APLF: variants seen among roughly 807,000 people sequenced by gnomAD.
APLF encodes aprataxin and PNK-like factor.
Under a neutral mutation model 55.6 loss-of-function variants are expected in APLF, and 61 were observed. The observed-to-expected ratio is 1.10, with a 90% CI of 0.89 to 1.36. APLF has a LOEUF of 1.36. APLF is among the 40% of genes most tolerant of loss of function. The probability of loss-of-function intolerance (pLI) is 0.00; values close to 1 mark genes in which losing one functional copy is unlikely to be tolerated. For synonymous variants in APLF, 207 were observed against 214.8 expected, an observed-to-expected ratio of 0.96 and a Z score of 0.32; for missense variants, 611 against 602.5, an observed-to-expected ratio of 1.01 and a Z score of -0.15.
chr2:68,487,028 T>G (rs1392193089), intron 1 of APLF, among the ~76,000 whole-genome samples: 7 of 152,150 alleles, frequency 4.6e-5, no homozygotes, highest in Non-Finnish European at 1.5e-5. Flanking sequence ...CAGACCAACA[T>G]CAGTCATTTT....
rs371913291 is a variant in APLF at position 68,567,193 on chromosome 2, T to C, written c.1287-148T>C. 4.4e-4 allele frequency: 280 copies of C among 633,094 alleles called. 2 individuals carry two copies. In the East Asian group the frequency reaches 6.9e-3, roughly 16 times the overall value. The allele number at this position is 633,094 out of a possible 1,614,324, so 39.2% of individuals were successfully genotyped here. A position where few individuals can be genotyped will look rare whatever the true frequency, so the allele number is the denominator to read the frequency against. On this transcript the variant is annotated intron_variant, in intron 8 of 9. Transcript: ENST00000303795. The stretch of plus-strand genomic sequence containing the variant: ...GCATGGAGTAGGCACACAGGAAATA[T>C]TGTAATTAAACAACAAATGCTTTTT...
chr2:68,499,521 A>G (rs1359477322), intron 2 of APLF, among the ~76,000 whole-genome samples: 1 of 152,176 alleles, frequency 6.6e-6, no homozygotes, highest in Non-Finnish European at 1.5e-5. Context: ...TACAGGTCCA[A>G]TTCAATCTCC....
At chr2:68,482,320 C>T (rs1256255371) in intron 1 of APLF, among the ~76,000 whole-genome samples, 9 of 151,992 alleles carry the variant, frequency 5.9e-5, no homozygotes, top group African/African-American at 2.2e-4. Context: ...TGAGTGAGCA[C>T]AGTTGTATGG....
chr2:68,550,834 GTTA>G (rs894215726), intron 8 of APLF, among the ~76,000 whole-genome samples: 1 of 151,752 alleles, frequency 6.6e-6, no homozygotes, highest in African/African-American at 2.4e-5. Flanking sequence ...TTAAACCATT[GTTA>G]TTATATAGTT....
Position 68,490,183 on chromosome 2 carries a change from TG to T in APLF, c.97-6del. 1 of 1,576,204 alleles carries T rather than the reference TG, an allele frequency of 6.3e-7. No individual in the cohort carries two copies. Among genetic ancestry groups the T allele is most frequent in the African/African-American group, 1.4e-5 (1 of 72,996 alleles). On this transcript the variant is annotated splice_region_variant and splice_polypyrimidine_tract_variant and intron_variant, in intron 1 of 9. Coordinates refer to ENST00000303795, the MANE Select transcript of APLF (RefSeq NM_173545.3). The stretch of plus-strand genomic sequence containing the variant: ...ATTCTTAATCTTTTAATTTTTTTAC[TG>T]TATAGATAACAGACAAGAGAGTATC...
In APLF at chr2:68,538,211, G is replaced by A. The variant is rs572217330; in HGVS notation, c.1144G>A (p.Gly382Arg). The change falls in exon 7 of 10, where the codon GGG becomes AGG. Residue 382 changes from glycine to arginine, a missense_variant. Physicochemically the swap from Gly to Arg is moderately radical, Grantham distance 125. Transcript: ENST00000303795. Reference protein sequence around the residue: ...NKVKRTSCMYGANCYRKNPVH... With the variant: ...NKVKRTSCMYRANCYRKNPVH... ...GGTCAAGAGGACATCCTGCATGTAT[G>A]GGGCAAACTGCTATAGGTAAAATGA... 1.6e-5 allele frequency: 26 copies of A among 1,603,726 alleles called. No individual in the cohort carries two copies. The South Asian group carries it at 2.7e-4, about 17-fold the overall frequency.
intron 8 of APLF, among the ~76,000 whole-genome samples, chr2:68,551,892 C>T (rs1388426762): frequency 6.6e-6 from 1 of 151,986 alleles, no homozygotes; most frequent in African/African-American, 2.4e-5. Flanking sequence ...AAGGATACCA[C>T]CTCTACTTGG....
At chr2:68,481,228 G>A (rs1675941377) in intron 1 of APLF, among the ~76,000 whole-genome samples, 1 of 152,118 alleles carries the variant, frequency 6.6e-6, no homozygotes. Flanking sequence ...ATTCAGCAGT[G>A]AAGCCTTGTA....
At chr2:68,575,346 A>G (rs1381518661) in intron 9 of APLF, among the ~76,000 whole-genome samples, 3 of 152,198 alleles carry the variant, frequency 2.0e-5, no homozygotes, top group Admixed American at 2.0e-4. Flanking sequence ...CAGTGTGAGT[A>G]AACAGAATGG....
At position 68,579,083 on chromosome 2, in the gene APLF, A is replaced by G; in HGVS notation, c.*1061A>G. 1 of 979,774 alleles carries G rather than the reference A, an allele frequency of 1.0e-6. No homozygotes were observed. 60.7% of individuals were successfully genotyped at this position (979,774 alleles called of 1,614,324 possible). A position where few individuals can be genotyped will look rare whatever the true frequency, so the allele number is the denominator to read the frequency against. On this transcript the variant is annotated 3_prime_UTR_variant, in exon 10 of 10. Coordinates refer to ENST00000303795, the MANE Select transcript of APLF (RefSeq NM_173545.3). ...TATTTATTGAAATCATAAATCACTA[A>G]GCCAAAAGAATCTTTGTTAAATGCT...
chr2:68,563,011 T>C (rs546536901), intron 8 of APLF: 5 of 955,720 alleles, frequency 5.2e-6, no homozygotes, highest in Non-Finnish European at 6.2e-6. Context: ...CAGCAAATTT[T>C]TGAGCCTGTC....
intron 8 of APLF, among the ~76,000 whole-genome samples, chr2:68,556,261 C>T (rs532111473): frequency 6.6e-6 from 1 of 152,134 alleles, no homozygotes; most frequent in East Asian, 1.9e-4. Context: ...GTATGCTGCT[C>T]GGGTGATGGG....
intron 5 of APLF, among the ~76,000 whole-genome samples, chr2:68,519,742 T>C (rs1669838820): frequency 6.6e-6 from 1 of 151,562 alleles, no homozygotes; most frequent in South Asian, 2.1e-4. Flanking sequence ...GCTGGTTCCA[T>C]GTTTTTGCAA....
intron 8 of APLF, among the ~76,000 whole-genome samples, chr2:68,554,225 G>A (rs1670945459): frequency 1.3e-5 from 2 of 151,938 alleles, no homozygotes; most frequent in African/African-American, 4.8e-5. Flanking sequence ...ATATGTAAAT[G>A]TATACCATAG....
rs975999833 is a variant in APLF, at chr2:68,519,111, T to C, written c.622+5431T>C. 3.0e-4 allele frequency among the ~76,000 whole-genome samples: 40 copies of C among 133,256 alleles called. 1 individual carries two copies. Among genetic ancestry groups the C allele is most frequent in the Admixed American group, 2.6e-3 (31 of 12,046 alleles). 87.4% of individuals were successfully genotyped at this position (133,256 alleles called of 152,430 possible). A position where few individuals can be genotyped will look rare whatever the true frequency, so the allele number is the denominator to read the frequency against. On this transcript the variant is annotated intron_variant, in intron 5 of 9. Transcript: ENST00000303795. ...AATTAATATATAATAATATAATATA[T>C]AATATATAAAACATATAATTTGACA...
chr2:68,515,781 G>A (rs1262307441), intron 5 of APLF: 1 of 958,356 alleles, frequency 1.0e-6, no homozygotes, highest in Non-Finnish European at 1.2e-6. Context: ...TACTTTATAA[G>A]AACAAGATTA....
intron 8 of APLF, among the ~76,000 whole-genome samples, chr2:68,564,081 C>G (rs969691391): frequency 1.3e-5 from 2 of 151,902 alleles, no homozygotes; most frequent in Non-Finnish European, 2.9e-5. Flanking sequence ...TTAATGTTCC[C>G]CATTTTTATC....
At position 68,578,377 on chromosome 2, in the gene APLF, G is replaced by A. The variant is rs1291549226; in HGVS notation, c.*355G>A. Reference sequence around the variant, plus strand: ...TAAATTTTTTTCCAAAGATTATGGAGTACTCTGCAAGTATAACCAGGCAAA... The same window carrying A: ...TAAATTTTTTTCCAAAGATTATGGAATACTCTGCAAGTATAACCAGGCAAA... On this transcript the variant is annotated 3_prime_UTR_variant, in exon 10 of 10. Coordinates refer to ENST00000303795, the MANE Select transcript of APLF (RefSeq NM_173545.3). 1 of 1,019,902 alleles carries A rather than the reference G, an allele frequency of 9.8e-7. No individual in the cohort carries two copies. The highest frequency in any genetic ancestry group is 1.2e-6 in the Non-Finnish European group (1 of 851,032). 63.2% of individuals were successfully genotyped at this position (1,019,902 alleles called of 1,614,324 possible). A position where few individuals can be genotyped will look rare whatever the true frequency, so the allele number is the denominator to read the frequency against.
chr2:68,478,349 A>G lies in APLF; in HGVS notation c.96+10522A>G, dbSNP rs1196402916. On this transcript the variant is annotated intron_variant, in intron 1 of 9. Transcript: ENST00000303795. ...TGCAGCTATGCCAGCAGGTGGGAAA[A>G]CCTTGTGCTTTTTGTAAAACACCTT... Among the ~76,000 whole-genome samples the G allele has an allele frequency of 2.0e-5, 3 of 152,276 alleles. No individual in the cohort carries two copies. In the East Asian group the frequency reaches 5.8e-4, roughly 29 times the overall value.
Sources: allele counts gnomAD v4.1 joint callset (sites outside exome capture counted in the v4.1 genomes callset), GRCh38; gene constraint gnomAD v4.1.1; transcripts MANE v1.5; gene names NCBI Gene and HGNC (gene_info 2026-07-23, HGNC 2026-07-21).